The following PHF20 variants were observed in gnomAD, a reference collection of about 807,000 sequenced individuals.
PHF20 encodes glioma-expressed antigen 2.
PHF20 carries 23 observed loss-of-function variants against 113.5 expected under a neutral mutation model. The ratio of observed to expected loss-of-function variants is 0.20; its 90% CI spans 0.15 to 0.29. The LOEUF is 0.29. Among genes scored for constraint, PHF20 ranks in the 10% least tolerant of loss-of-function variants. PHF20 has a pLI of 1.00. For synonymous variants in PHF20, 434 were observed against 457.3 expected, an observed-to-expected ratio of 0.95 and a Z score of 0.65; for missense variants, 943 against 1,219.6, an observed-to-expected ratio of 0.77 and a Z score of 3.38.
chr20:35,809,934 T>C (rs549025018), intron 2 of PHF20, among the ~76,000 whole-genome samples: 47 of 152,110 alleles, frequency 3.1e-4, no homozygotes, highest in Non-Finnish European at 6.3e-4. Flanking sequence ...GTTTGTTTGT[T>C]TATTTATTTT....
At chr20:35,777,833 C>T (rs571549946) in intron 1 of PHF20, among the ~76,000 whole-genome samples, 1 of 152,208 alleles carries the variant, frequency 6.6e-6, no homozygotes, top group South Asian at 2.1e-4. Flanking sequence ...GAACACACAG[C>T]CACAAAACCC....
chr20:35,923,079 C>CTT (rs1296352224), intron 13 of PHF20, among the ~76,000 whole-genome samples: 91 of 152,322 alleles, frequency 6.0e-4, no homozygotes, highest in African/African-American at 2.0e-3. Context: ...TGTACCACTG[C>CTT]ACTACAACCT....
At chr20:35,804,410 A>AT (rs1415004409) in intron 2 of PHF20, among the ~76,000 whole-genome samples, 3 of 151,322 alleles carry the variant, frequency 2.0e-5, no homozygotes, top group Admixed American at 6.6e-5. Context: ...ATTTTTTTGT[A>AT]TTTTTTTAGT....
chr20:35,791,771 G>C (rs1031286175), intron 1 of PHF20, among the ~76,000 whole-genome samples: 4 of 151,898 alleles, frequency 2.6e-5, no homozygotes, highest in Non-Finnish European at 5.9e-5. Context: ...CTGAGACTTA[G>C]AAGCAGGTCC....
intron 1 of PHF20, chr20:35,782,619 G>A (rs1231633234): frequency 6.6e-6 from 1 of 152,168 alleles, no homozygotes; most frequent in African/African-American, 2.4e-5. Context: ...GGTATGTGGT[G>A]GTGAGGATGT....
intron 1 of PHF20, among the ~76,000 whole-genome samples, chr20:35,781,715 C>T (rs1457474595): frequency 6.6e-6 from 1 of 152,102 alleles, no homozygotes; most frequent in Non-Finnish European, 1.5e-5. Flanking sequence ...GAGGCTGAGG[C>T]AGGTAGATCA....
intron 4 of PHF20, among the ~76,000 whole-genome samples, chr20:35,847,710 G>T (rs2042647867): frequency 6.6e-6 from 1 of 152,142 alleles, no homozygotes; most frequent in African/African-American, 2.4e-5. Context: ...AAGTATGCAG[G>T]TACTTGCTGT....
Position 35,858,301 on chromosome 20 carries a change from G to T in PHF20, c.341-1G>T. The T allele has an allele frequency of 6.7e-7, 1 of 1,484,392 alleles. No individual in the cohort carries two copies. The highest frequency in any genetic ancestry group is 9.3e-7 in the Non-Finnish European group (1 of 1,070,636). The allele number at this position is 1,484,392 out of a possible 1,614,324, so 92.0% of individuals were successfully genotyped here. A position where few individuals can be genotyped will look rare whatever the true frequency, so the allele number is the denominator to read the frequency against. On this transcript the variant is annotated splice_acceptor_variant, in intron 4 of 17. Coordinates refer to ENST00000374012, the MANE Select transcript of PHF20 (RefSeq NM_016436.5). LOFTEE classifies it high-confidence loss of function. ...AATCATGATATCTTCTTGAATTTTA[G>T]GTACTTACACTGTGAAATTTTATGA...
rs756123654 is a variant in PHF20, at chr20:35,940,864, G to C, written c.2713G>C (p.Val905Leu). 3.7e-6 allele frequency: 6 copies of C among 1,610,756 alleles called. No homozygotes were observed. The African/African-American group carries it at 4.0e-5, about 11-fold the overall frequency. ...AATTTCCATGCCATTGCATCCCCAG[G>C]TGAAGGAATATGTCTCCAAAAAGGC... ...DSDPKPGSPK[V>L]KEYVSKKALP... Residue 905 changes from valine to leucine, a missense_variant and splice_region_variant, in exon 17 of 18, where the codon GTG becomes CTG. Physicochemically the swap from Val to Leu is conservative, Grantham distance 32. Around this residue, in one of 3 missense-constraint regions of PHF20, gnomAD observed 349 missense variants for 412.3 expected, o/e 0.85. Coordinates refer to ENST00000374012, the MANE Select transcript of PHF20 (RefSeq NM_016436.5).
At chr20:35,807,127 A>G (rs1481176311) in intron 2 of PHF20, among the ~76,000 whole-genome samples, 1 of 151,978 alleles carries the variant, frequency 6.6e-6, no homozygotes, top group Non-Finnish European at 1.5e-5. Flanking sequence ...TTTTTGTAGT[A>G]TTGTTGAGTG....
chr20:35,896,644 A>G (rs1378772026), intron 9 of PHF20, among the ~76,000 whole-genome samples: 3 of 125,576 alleles, frequency 2.4e-5, no homozygotes, highest in African/African-American at 3.6e-5. Flanking sequence ...TAAAGCTATG[A>G]AAAAAAAAAA....
chr20:35,882,142 A>T (rs1252771128), intron 9 of PHF20, among the ~76,000 whole-genome samples: 2 of 152,230 alleles, frequency 1.3e-5, no homozygotes, highest in Non-Finnish European at 2.9e-5. Context: ...CATTAAACTG[A>T]ACAAATTACC....
intron 4 of PHF20, among the ~76,000 whole-genome samples, chr20:35,853,782 T>C (rs1383609661): frequency 6.8e-6 from 1 of 146,304 alleles, no homozygotes; most frequent in African/African-American, 2.6e-5. Flanking sequence ...TGAGATGGAG[T>C]CTTGCTCTGT....
chr20:35,935,467 A>G (rs1183575809), intron 15 of PHF20, among the ~76,000 whole-genome samples: 1 of 152,106 alleles, frequency 6.6e-6, no homozygotes, highest in Non-Finnish European at 1.5e-5. Flanking sequence ...CCCGAGTTCA[A>G]GCGATTCTTA....
chr20:35,800,779 A>G (rs2041765523), intron 1 of PHF20, among the ~76,000 whole-genome samples: 1 of 152,198 alleles, frequency 6.6e-6, no homozygotes, highest in African/African-American at 2.4e-5. Flanking sequence ...CAAAAAATAA[A>G]TAAATAAACA....
chr20:35,842,190 A>G (rs2042547694), intron 2 of PHF20, among the ~76,000 whole-genome samples: 1 of 152,128 alleles, frequency 6.6e-6, no homozygotes, highest in African/African-American at 2.4e-5. Flanking sequence ...TACTAAAAAT[A>G]CAAAAATTAG....
intron 7 of PHF20, among the ~76,000 whole-genome samples, chr20:35,870,015 C>A (rs182830022): frequency 6.6e-6 from 1 of 151,270 alleles, no homozygotes; most frequent in Non-Finnish European, 1.5e-5. Flanking sequence ...TAAAAATTAG[C>A]CGGGTGTGGC....
intron 9 of PHF20, among the ~76,000 whole-genome samples, chr20:35,886,424 C>A (rs2054734174): frequency 1.3e-5 from 2 of 152,094 alleles, no homozygotes; most frequent in Non-Finnish European, 2.9e-5. Context: ...CTGTGCCTGG[C>A]CTTCGCTAAT....
At chr20:35,847,279 C>T (rs1292770132) in intron 3 of PHF20, 71 bp from the exon 4 acceptor site, 8 of 958,062 alleles carry the variant, frequency 8.4e-6, no homozygotes, top group Non-Finnish European at 1.3e-5. Flanking sequence ...TTTATGAGAT[C>T]TGGTATGTCC....
Sources: gnomAD v4.1 joint callset for allele counts (sites outside exome capture counted in the v4.1 genomes callset) on GRCh38, gnomAD v4.1.1 for gene constraint, gnomAD v4.1.1 regional missense constraint, MANE v1.5 for transcripts, NCBI Gene and HGNC (gene_info 2026-07-23, HGNC 2026-07-21) for gene names.